Variants in GBE1 observed in about 807,000 individuals in gnomAD.
GBE1 encodes the protein 1,4-alpha-glucan branching enzyme 1.
GBE1 carries 70 observed loss-of-function variants against 88.8 expected under a neutral mutation model. That is an observed-to-expected ratio of 0.79 (90% confidence interval 0.65 to 0.96). The LOEUF (loss-of-function observed/expected upper bound fraction) is 0.96, where lower values mean the gene tolerates loss of function less well. Among genes scored for constraint, GBE1 ranks in the 40% least tolerant of loss-of-function variants. The pLI, the probability that GBE1 is intolerant of heterozygous loss-of-function variation, is 0.00. For missense variants in GBE1, 872 were observed against 871.0 expected (o/e 1.00, Z -0.01); for synonymous variants, 284 against 300.1 (o/e 0.95, Z 0.56).
intron 14 of GBE1, among the ~76,000 whole-genome samples, chr3:81,504,885 C>T (rs1702634249): frequency 6.6e-6 from 1 of 152,308 alleles, no homozygotes; most frequent in South Asian, 2.1e-4. Flanking sequence ...ACTAAACTCA[C>T]TTCACTCCCA....
At chr3:81,513,410 T>C (rs1289934713) in intron 14 of GBE1, among the ~76,000 whole-genome samples, 1 of 151,402 alleles carries the variant, frequency 6.6e-6, no homozygotes, top group Non-Finnish European at 1.5e-5. Flanking sequence ...AAATGGGAAC[T>C]AGGACATGCG....
intron 12 of GBE1, among the ~76,000 whole-genome samples, chr3:81,575,836 A>C (rs1703641048): frequency 6.6e-6 from 1 of 152,198 alleles, no homozygotes; most frequent in South Asian, 2.1e-4. Context: ...AAAACATACA[A>C]ACAAAGGAAT....
intron 7 of GBE1, among the ~76,000 whole-genome samples, chr3:81,630,559 A>C (rs1226740441): frequency 6.6e-6 from 1 of 152,160 alleles, no homozygotes; most frequent in Non-Finnish European, 1.5e-5. Context: ...ATTACTACAA[A>C]ATTTAAGTAT....
intron 15 of GBE1, among the ~76,000 whole-genome samples, chr3:81,491,066 C>T (rs554883024): frequency 1.4e-4 from 21 of 152,286 alleles, no homozygotes; most frequent in Admixed American, 5.2e-4. Flanking sequence ...TCCTCACCCA[C>T]TACACTCCAG....
chr3:81,579,028 T>C (rs1009368965), intron 11 of GBE1, among the ~76,000 whole-genome samples: 3 of 152,014 alleles, frequency 2.0e-5, no homozygotes, highest in South Asian at 2.1e-4. Flanking sequence ...TCTTTAATTA[T>C]GTTTTTAGCT....
At chr3:81,540,762 G>T (rs532299218) in intron 12 of GBE1, among the ~76,000 whole-genome samples, 7 of 152,010 alleles carry the variant, frequency 4.6e-5, no homozygotes, top group Non-Finnish European at 7.4e-5. Context: ...TGAAAATAAT[G>T]TTGTTACAAG....
chr3:81,643,079 C>T, intron 6 of GBE1, 89 bp from the exon 7 acceptor site: 1 of 835,240 alleles, frequency 1.2e-6, no homozygotes, highest in Non-Finnish European at 2.0e-6. Flanking sequence ...CATCGCAGTA[C>T]TAGATACTTT....
chr3:81,555,054 A>G (rs1576146966), intron 12 of GBE1, among the ~76,000 whole-genome samples: 1 of 152,228 alleles, frequency 6.6e-6, no homozygotes, highest in African/African-American at 2.4e-5. Context: ...CCATAGCAGC[A>G]TGACAGCTGG....
rs186516206 is a variant in GBE1, at chr3:81,507,924, T to A, written c.1935-8697A>T. 7.8e-3 allele frequency among the ~76,000 whole-genome samples: 1,185 copies of A among 152,232 alleles called. 16 individuals carry two copies. The highest frequency in any genetic ancestry group is 9.7e-3 in the Non-Finnish European group (660 of 68,002). The stretch of plus-strand genomic sequence containing the variant: ...AGGTTTCTGGTTTTACACTACAAAA[T>A]AAACTCCAATCCCTGCAAGTATGCT... On this transcript the variant is annotated intron_variant, in intron 14 of 15. Coordinates refer to ENST00000429644, the MANE Select transcript of GBE1 (RefSeq NM_000158.4).
At chr3:81,584,616 G>A (rs1703775544) in intron 10 of GBE1, among the ~76,000 whole-genome samples, 1 of 151,552 alleles carries the variant, frequency 6.6e-6, no homozygotes, top group Non-Finnish European at 1.5e-5. Flanking sequence ...AAACAGGATG[G>A]TCATATCCTA....
intron 1 of GBE1, among the ~76,000 whole-genome samples, chr3:81,752,020 T>A (rs565114897): frequency 2.3e-4 from 35 of 152,346 alleles, no homozygotes; most frequent in Non-Finnish European, 5.1e-4. Flanking sequence ...TGGTTTCTGA[T>A]TATCATATTT....
At chr3:81,716,075 A>G (rs1418632978) in intron 1 of GBE1, among the ~76,000 whole-genome samples, 1 of 152,172 alleles carries the variant, frequency 6.6e-6, no homozygotes, top group Middle Eastern at 3.2e-3. Context: ...CCATCTCTAA[A>G]ACACAATCAA....
chr3:81,705,410 AT>A, intron 2 of GBE1, 33 bp downstream of exon 2: 1 of 1,373,972 alleles, frequency 7.3e-7, no homozygotes, highest in Non-Finnish European at 9.8e-7. Context: ...TTAATAAGAT[AT>A]TACTATTTAG....
intron 12 of GBE1, among the ~76,000 whole-genome samples, chr3:81,575,026 G>T (rs893874249): frequency 1.3e-5 from 2 of 151,918 alleles, no homozygotes; most frequent in African/African-American, 4.8e-5. Flanking sequence ...TTAGCTGGGC[G>T]TGGTGGCGGG....
rs181851380 is a variant in GBE1, at chr3:81,535,028, C to T, written c.1934+167G>A. Reference sequence around the variant, plus strand: ...TAGGAATAATTCAGTATAACTGAGTCGAGCAAAGATTTATCCATCAACTAT... The same window carrying T: ...TAGGAATAATTCAGTATAACTGAGTTGAGCAAAGATTTATCCATCAACTAT... On this transcript the variant is annotated intron_variant, in intron 14 of 15. Coordinates refer to ENST00000429644, the MANE Select transcript of GBE1 (RefSeq NM_000158.4). 1.5e-3 allele frequency: 993 copies of T among 645,556 alleles called. 5 individuals carry two copies. Among genetic ancestry groups the T allele is most frequent in the South Asian group, 7.6e-3 (360 of 47,500 alleles). The allele number at this position is 645,556 out of a possible 1,614,324, so 40.0% of individuals were successfully genotyped here.
chr3:81,526,242 C>T (rs552023734), intron 14 of GBE1, among the ~76,000 whole-genome samples: 15 of 151,734 alleles, frequency 9.9e-5, no homozygotes, highest in South Asian at 6.2e-4. Context: ...TCTTTGTTTA[C>T]GACAAACCCA....
Position 81,535,260 on chromosome 3 carries a change from GA to G in GBE1, c.1868del (p.Phe623SerfsTer28). On this transcript the variant is annotated frameshift_variant, in exon 14 of 16. Coordinates refer to ENST00000429644, the MANE Select transcript of GBE1 (RefSeq NM_000158.4). LOFTEE classifies it high-confidence loss of function. The stretch of plus-strand genomic sequence containing the variant: ...TCTTGCTTGGATGGAAGTTGAAAAT[GA>G]AAAGAAGACCTGCTCTTTCAAAAGC... ...IIAFERAGLL[F>X]IFNFHPSKSY... 5 of 1,611,372 alleles carry G rather than the reference GA, an allele frequency of 3.1e-6. No homozygotes were observed. The highest frequency in any genetic ancestry group is 3.4e-6 in the Non-Finnish European group (4 of 1,178,552).
At chr3:81,749,510 C>T (rs1335335591) in intron 1 of GBE1, among the ~76,000 whole-genome samples, 9 of 152,146 alleles carry the variant, frequency 5.9e-5, no homozygotes, top group Non-Finnish European at 1.5e-5. Context: ...AGCATTCCTT[C>T]GTAGTGATGT....
chr3:81,560,960 T>C (rs1435701280), intron 12 of GBE1, among the ~76,000 whole-genome samples: 1 of 152,034 alleles, frequency 6.6e-6, no homozygotes, highest in Non-Finnish European at 1.5e-5. Flanking sequence ...GTATTATTTT[T>C]TCTCATTTAT....
Sources: gnomAD v4.1 joint callset for allele counts (sites outside exome capture counted in the v4.1 genomes callset) on GRCh38, gnomAD v4.1.1 for gene constraint, MANE v1.5 for transcripts, NCBI Gene and HGNC (gene_info 2026-07-23, HGNC 2026-07-21) for gene names.